The following SCRG1 variants were observed in gnomAD, a reference collection of about 807,000 sequenced individuals.
The protein encoded by SCRG1 is stimulator of chondrogenesis 1, also known as scrapie-responsive protein 1.
SCRG1 carries 3 observed loss-of-function variants against 7.7 expected under a neutral mutation model. That is an observed-to-expected ratio of 0.39 (90% CI 0.18 to 1.01). SCRG1 has a LOEUF of 1.01. Ranked by LOEUF, SCRG1 falls within the 50% of genes least tolerant of loss-of-function variation. The probability of loss-of-function intolerance (pLI) is 0.36; values close to 1 mark genes in which losing one functional copy is unlikely to be tolerated. For synonymous variants in SCRG1, 46 were observed against 41.2 expected (o/e 1.12, Z -0.44); for missense variants, 110 against 117.2 (o/e 0.94, Z 0.28).
the SCRG1 span, among the ~76,000 whole-genome samples, chr4:173,416,447 G>A: frequency 6.6e-6 from 1 of 152,188 alleles, no homozygotes; most frequent in Admixed American, 6.5e-5. Context: ...TCAAAAGGAA[G>A]GAAGTTTCCA....
chr4:173,494,349 C>A, the SCRG1 span, among the ~76,000 whole-genome samples: 1 of 152,208 alleles, frequency 6.6e-6, no homozygotes. Context: ...TTCCTTTCCC[C>A]AAGCTCCATG....
chr4:173,471,704 G>A, the SCRG1 span, among the ~76,000 whole-genome samples: 912 of 152,238 alleles, frequency 6.0e-3, 2 homozygotes, highest in Non-Finnish European at 8.9e-3. Context: ...GTCCTGAAGG[G>A]TGGAAGATGG....
At chr4:173,483,377 T>TTACATATTATATATTATATCATGA in the SCRG1 span, among the ~76,000 whole-genome samples, 2 of 16,150 alleles carry the variant, frequency 1.2e-4, 1 homozygote, top group Non-Finnish European at 2.4e-4. Flanking sequence ...TAATATTATA[T>TTACATATTATATATTATATCATGA]TATATATTAT....
the SCRG1 span, among the ~76,000 whole-genome samples, chr4:173,443,670 C>G: frequency 6.6e-6 from 1 of 151,134 alleles, no homozygotes; most frequent in East Asian, 2.0e-4. Context: ...AATATTTTTG[C>G]CTTGCCTTTA....
chr4:173,481,557 G>A, the SCRG1 span, among the ~76,000 whole-genome samples: 18,198 of 151,956 alleles, frequency 0.12, 1,354 homozygotes, highest in Middle Eastern at 0.24. Context: ...TACATTAAGT[G>A]TGTCTGGCTC....
At chr4:173,442,122 C>T in the SCRG1 span, among the ~76,000 whole-genome samples, 4 of 152,314 alleles carry the variant, frequency 2.6e-5, no homozygotes, top group Non-Finnish European at 5.9e-5. Context: ...GACAGCTGCA[C>T]TCTGGGAACT....
chr4:173,481,090 T>C, the SCRG1 span, among the ~76,000 whole-genome samples: 1 of 152,158 alleles, frequency 6.6e-6, no homozygotes, highest in African/African-American at 2.4e-5. Flanking sequence ...AATAACATAC[T>C]GATAATTTTT....
At chr4:173,451,367 A>G in the SCRG1 span, among the ~76,000 whole-genome samples, 4 of 151,858 alleles carry the variant, frequency 2.6e-5, no homozygotes, top group Admixed American at 6.6e-5. Flanking sequence ...ACTGAGACCT[A>G]TCTGCTGAGG....
chr4:173,477,670 G>C, the SCRG1 span, among the ~76,000 whole-genome samples: 1 of 151,962 alleles, frequency 6.6e-6, no homozygotes, highest in Non-Finnish European at 1.5e-5. Context: ...TTCTTTAAAG[G>C]AATAATGCTA....
the SCRG1 span, among the ~76,000 whole-genome samples, chr4:173,515,159 A>G: frequency 6.6e-6 from 1 of 152,202 alleles, no homozygotes; most frequent in Admixed American, 6.5e-5. The surrounding 1 kb of genome is among the most constrained non-coding windows in gnomAD (Gnocchi z 4.6). Flanking sequence ...AGTTGAAAGC[A>G]TCCTTGGTTT....
chr4:173,456,077 A>T, the SCRG1 span, among the ~76,000 whole-genome samples: 1 of 152,190 alleles, frequency 6.6e-6, no homozygotes, highest in Non-Finnish European at 1.5e-5. Flanking sequence ...GGCTTAGGAG[A>T]TATTGACTTC....
the SCRG1 span, among the ~76,000 whole-genome samples, chr4:173,462,339 C>G: frequency 1.6e-4 from 23 of 140,376 alleles, no homozygotes; most frequent in African/African-American, 5.1e-4. Context: ...AACAATGGAG[C>G]TCCGATACTT....
At chr4:173,507,503 C>T in the SCRG1 span, among the ~76,000 whole-genome samples, 6 of 152,252 alleles carry the variant, frequency 3.9e-5, no homozygotes, top group African/African-American at 1.4e-4. This position sits in a 1 kb window ranked among gnomAD's most constrained non-coding sequence, Gnocchi z 4.4. Flanking sequence ...AGCCTCCCGG[C>T]CTGGCCCTGT....
At chr4:173,454,001 C>A in the SCRG1 span, among the ~76,000 whole-genome samples, 3 of 151,936 alleles carry the variant, frequency 2.0e-5, no homozygotes, top group African/African-American at 4.8e-5. Flanking sequence ...TCGCTTGAAC[C>A]CGGGAGGTGG....
the SCRG1 span, among the ~76,000 whole-genome samples, chr4:173,504,320 G>GTAGCC: frequency 6.6e-6 from 1 of 152,176 alleles, no homozygotes; most frequent in Admixed American, 6.5e-5. The surrounding 1 kb of genome is among the most constrained non-coding windows in gnomAD (Gnocchi z 4.7). Context: ...TGCTCCTCCG[G>GTAGCC]TAGCCGTATG....
chr4:173,457,412 G>A, the SCRG1 span, among the ~76,000 whole-genome samples: 1 of 152,160 alleles, frequency 6.6e-6, no homozygotes, highest in African/African-American at 2.4e-5. Context: ...AATTCCTGGT[G>A]TTTCTTTGTT....
the SCRG1 span, among the ~76,000 whole-genome samples, chr4:173,423,410 A>T: frequency 6.6e-6 from 1 of 152,198 alleles, no homozygotes; most frequent in Non-Finnish European, 1.5e-5. Context: ...AAACAGTGTT[A>T]CCAAGAAAAA....
At chr4:173,504,325 C>T in the SCRG1 span, among the ~76,000 whole-genome samples, 1 of 152,172 alleles carries the variant, frequency 6.6e-6, no homozygotes, top group Non-Finnish European at 1.5e-5. The surrounding 1 kb of genome is among the most constrained non-coding windows in gnomAD (Gnocchi z 4.7). Flanking sequence ...CTCCGGTAGC[C>T]GTATGGGGGA....
the SCRG1 span, among the ~76,000 whole-genome samples, chr4:173,488,691 C>T: frequency 1.1e-4 from 16 of 152,218 alleles, no homozygotes; most frequent in East Asian, 1.2e-3. Context: ...TACATTTTGT[C>T]AATAATTCAG....
Sources: allele counts gnomAD v4.1 joint callset (sites outside exome capture counted in the v4.1 genomes callset), GRCh38; gene constraint gnomAD v4.1.1; non-coding constraint Gnocchi (gnomAD v3.1); transcripts MANE v1.5; gene names NCBI Gene and HGNC (gene_info 2026-07-23, HGNC 2026-07-21).